The following RAD51B variants were observed in gnomAD, a reference collection of about 807,000 sequenced individuals.
The protein encoded by RAD51B is RAD51 paralog B.
Under a neutral mutation model 42.2 loss-of-function variants are expected in RAD51B, and 38 were observed. That is an observed-to-expected ratio of 0.90 (90% confidence interval 0.70 to 1.18). RAD51B has a LOEUF of 1.18. Among genes scored for constraint, RAD51B ranks in the 50% most tolerant of loss-of-function variants. The pLI is 0.00. For missense variants in RAD51B, 373 were observed against 400.7 expected, an observed-to-expected ratio of 0.93 and a Z score of 0.59; for synonymous variants, 154 against 145.2, an observed-to-expected ratio of 1.06 and a Z score of -0.43.
chr14:68,067,812 G>C (rs1299317029), intron 7 of RAD51B, among the ~76,000 whole-genome samples: 1 of 151,356 alleles, frequency 6.6e-6, no homozygotes, highest in Non-Finnish European at 1.5e-5. Flanking sequence ...TGCACCTACA[G>C]TCCTAGCTAC....
At chr14:68,049,230 A>T (rs2076353275) in intron 7 of RAD51B, among the ~76,000 whole-genome samples, 1 of 152,068 alleles carries the variant, frequency 6.6e-6, no homozygotes, top group Non-Finnish European at 1.5e-5. Flanking sequence ...GCGGGGAGGG[A>T]TAGCATTAAG....
chr14:68,310,197 C>T (rs1380503553), intron 8 of RAD51B, among the ~76,000 whole-genome samples: 1 of 152,092 alleles, frequency 6.6e-6, no homozygotes, highest in Non-Finnish European at 1.5e-5. Context: ...CCACCTCTCT[C>T]CTGTGTAAAA....
chr14:68,602,341 G>A (rs889039088), intron 10 of RAD51B, among the ~76,000 whole-genome samples: 15 of 152,060 alleles, frequency 9.9e-5, no homozygotes, highest in African/African-American at 3.1e-4. Flanking sequence ...CATCCTGACT[G>A]GCCCAGCTGA....
chr14:68,118,769 C>T (rs1410690664), intron 7 of RAD51B, among the ~76,000 whole-genome samples: 6 of 151,988 alleles, frequency 3.9e-5, no homozygotes, highest in Non-Finnish European at 8.8e-5. Flanking sequence ...TTTATAATAG[C>T]TCGTGTGTGT....
At chr14:68,109,099 G>A (rs2077422056) in intron 7 of RAD51B, among the ~76,000 whole-genome samples, 1 of 151,854 alleles carries the variant, frequency 6.6e-6, no homozygotes, top group South Asian at 2.1e-4. Flanking sequence ...GTGGCATATT[G>A]TTGTAATTAT....
intron 10 of RAD51B, among the ~76,000 whole-genome samples, chr14:68,528,057 G>A (rs1454605194): frequency 6.6e-6 from 1 of 152,026 alleles, no homozygotes; most frequent in Non-Finnish European, 1.5e-5. Context: ...ATTGCACTAA[G>A]CCATCTAAAA....
chr14:68,665,440 A>G lies in RAD51B; in HGVS notation c.*11+14584A>G, dbSNP rs1893013535. ...AAAGTTATTCCTGGCCAAGTTCCCT[A>G]TTAGTCATATGTGTGAAGTGGAAAC... On this transcript the variant is annotated intron_variant, in intron 11 of 11. Transcript: ENST00000488612. 3.3e-5 allele frequency among the ~76,000 whole-genome samples: 5 copies of G among 152,256 alleles called. No individual in the cohort carries two copies. The South Asian group carries it at 8.3e-4, about 25-fold the overall frequency.
chr14:68,124,560 T>C (rs1309154200), intron 7 of RAD51B, among the ~76,000 whole-genome samples: 1 of 152,220 alleles, frequency 6.6e-6, no homozygotes, highest in Non-Finnish European at 1.5e-5. Context: ...ATTATTTTCG[T>C]TCATTTTGAT....
At chr14:68,510,226 A>G (rs949046861) in intron 10 of RAD51B, among the ~76,000 whole-genome samples, 1 of 152,104 alleles carries the variant, frequency 6.6e-6, no homozygotes, top group Non-Finnish European at 1.5e-5. Context: ...TCTCCTTAAA[A>G]CTGAAGAAGT....
At chr14:68,196,680 T>A (rs1019342905) in intron 7 of RAD51B, among the ~76,000 whole-genome samples, 3 of 152,204 alleles carry the variant, frequency 2.0e-5, no homozygotes, top group Non-Finnish European at 2.9e-5. Context: ...ATGACTTTTT[T>A]ATTTAATATT....
intron 7 of RAD51B, among the ~76,000 whole-genome samples, chr14:68,034,840 A>G (rs2076097222): frequency 6.6e-6 from 1 of 152,064 alleles, no homozygotes; most frequent in South Asian, 2.1e-4. Flanking sequence ...CAGTTTCTCA[A>G]TTTCTGGAGG....
At chr14:68,179,566 T>C (rs1226566831) in intron 7 of RAD51B, among the ~76,000 whole-genome samples, 1 of 152,186 alleles carries the variant, frequency 6.6e-6, no homozygotes, top group African/African-American at 2.4e-5. Flanking sequence ...AACTTATGAA[T>C]TGAAGGTTTC....
chr14:67,998,096 A>T (rs2075417309), intron 7 of RAD51B, among the ~76,000 whole-genome samples: 1 of 152,198 alleles, frequency 6.6e-6, no homozygotes, highest in African/African-American at 2.4e-5. Flanking sequence ...AACAGTATCA[A>T]TGTCACCTTG....
At chr14:68,122,358 A>G (rs932111621) in intron 7 of RAD51B, among the ~76,000 whole-genome samples, 4 of 152,216 alleles carry the variant, frequency 2.6e-5, no homozygotes, top group Non-Finnish European at 4.4e-5. Context: ...TATTGAATAG[A>G]GAGCATCTAC....
chr14:68,465,349 T>A (rs1289760210), intron 9 of RAD51B, among the ~76,000 whole-genome samples: 3 of 152,224 alleles, frequency 2.0e-5, no homozygotes, highest in Non-Finnish European at 4.4e-5. Flanking sequence ...CACTGAATTA[T>A]TGGAGTTGCT....
chr14:68,567,225 G>A (rs1889467917), intron 10 of RAD51B, among the ~76,000 whole-genome samples: 1 of 152,094 alleles, frequency 6.6e-6, no homozygotes, highest in Non-Finnish European at 1.5e-5. Flanking sequence ...CTTGAACTTG[G>A]ACAGCAGAGG....
At chr14:68,378,382 A>G (rs556467538) in intron 8 of RAD51B, among the ~76,000 whole-genome samples, 1 of 152,330 alleles carries the variant, frequency 6.6e-6, no homozygotes, top group African/African-American at 2.4e-5. Context: ...AACCTGGTTA[A>G]TTGAGACCAC....
intron 10 of RAD51B, among the ~76,000 whole-genome samples, chr14:68,586,983 C>T (rs1347465218): frequency 6.6e-6 from 1 of 151,722 alleles, no homozygotes; most frequent in Non-Finnish European, 1.5e-5. Flanking sequence ...GAGCCGAGAT[C>T]GCGCCATTGT....
intron 7 of RAD51B, among the ~76,000 whole-genome samples, chr14:67,986,848 C>T (rs11851587): frequency 1.1e-4 from 17 of 152,162 alleles, no homozygotes; most frequent in African/African-American, 3.9e-4. Context: ...TCTCATGACT[C>T]GGCCTCCTGA....
Sources: gnomAD v4.1 joint callset for allele counts (sites outside exome capture counted in the v4.1 genomes callset) on GRCh38, gnomAD v4.1.1 for gene constraint, MANE v1.5 for transcripts, NCBI Gene and HGNC (gene_info 2026-07-23, HGNC 2026-07-21) for gene names.